The following OXR1 variants were observed in gnomAD, a reference collection of about 807,000 sequenced individuals.
OXR1 encodes oxidation resistance protein 1.
OXR1 carries 41 observed loss-of-function variants against 104.6 expected under a neutral mutation model. The ratio of observed to expected loss-of-function variants is 0.39; its 90% CI spans 0.31 to 0.51. The LOEUF is 0.51. Among genes scored for constraint, OXR1 ranks in the 20% least tolerant of loss-of-function variants. The pLI, the probability that OXR1 is intolerant of heterozygous loss-of-function variation, is 0.77. For synonymous variants in OXR1, 348 were observed against 348.4 expected (o/e 1.00, Z 0.01); for missense variants, 955 against 1,031.9 (o/e 0.93, Z 1.02).
At chr8:106,330,732 T>C (rs1222637732) in intron 1 of OXR1, among the ~76,000 whole-genome samples, 1 of 152,162 alleles carries the variant, frequency 6.6e-6, no homozygotes. Context: ...GTCACTAATA[T>C]TGAGGGTATT....
chr8:106,399,006 T>C lies in OXR1; in HGVS notation c.23+39370T>C, dbSNP rs118127825. Among the ~76,000 whole-genome samples, 237 of 152,270 alleles carry C rather than the reference T, an allele frequency of 1.6e-3. 1 individual carries two copies. In the East Asian group the frequency reaches 0.033, roughly 21 times the overall value. ...CAAAGTCATCTCAACCAAATTGGAA[T>C]ACTAAATCTTTTACTTTTTCACTAC... On this transcript the variant is annotated intron_variant, in intron 2 of 16. Transcript: ENST00000517566.
chr8:106,658,775 T>C (rs140785985), intron 3 of OXR1, among the ~76,000 whole-genome samples: 1 of 152,334 alleles, frequency 6.6e-6, no homozygotes, highest in African/African-American at 2.4e-5. Context: ...CTTTCTCAGT[T>C]CCTGTTTATT....
chr8:106,660,027 G>A lies in OXR1; in HGVS notation c.221-19183G>A, dbSNP rs116902216. 5.8e-3 allele frequency among the ~76,000 whole-genome samples: 889 copies of A among 152,306 alleles called. 8 individuals are homozygous for A. Among genetic ancestry groups the A allele is most frequent in the Non-Finnish European group, 6.6e-3 (451 of 68,034 alleles). On this transcript the variant is annotated intron_variant, in intron 3 of 16. Coordinates refer to ENST00000517566, the MANE Select transcript of OXR1 (RefSeq NM_001198533.2). ...TGACCACAGTCATGTGGGCAGGTAC[G>A]TCCTAGCATTAACTTCCTGAAAGAA...
chr8:106,658,315 C>T, intron 3 of OXR1: 1 of 1,123,606 alleles, frequency 8.9e-7, no homozygotes, highest in Non-Finnish European at 1.1e-6. Flanking sequence ...GGGCGGGCAA[C>T]GTGGCCGGGG....
intron 2 of OXR1, among the ~76,000 whole-genome samples, chr8:106,381,624 G>T (rs1169592336): frequency 6.6e-6 from 1 of 152,138 alleles, no homozygotes; most frequent in Non-Finnish European, 1.5e-5. Context: ...TACTGTTCAT[G>T]TGGGCCTGTT....
At chr8:106,605,381 C>T (rs1820293262) in intron 3 of OXR1, among the ~76,000 whole-genome samples, 1 of 152,136 alleles carries the variant, frequency 6.6e-6, no homozygotes, top group African/African-American at 2.4e-5. Context: ...TATTCTCCAA[C>T]AAGACTCAGC....
intron 9 of OXR1, chr8:106,707,550 A>G (rs1283431156): frequency 1.4e-5 from 4 of 287,434 alleles, no homozygotes; most frequent in East Asian, 6.9e-5. Context: ...TTGTAATCCC[A>G]TCTTTTATAA....
chr8:106,459,865 A>G (rs752363655), intron 2 of OXR1, among the ~76,000 whole-genome samples: 6 of 152,184 alleles, frequency 3.9e-5, no homozygotes, highest in Non-Finnish European at 7.4e-5. Context: ...AAGATGATAC[A>G]TGGTTAACTC....
At chr8:106,551,789 CATATATAT>C (rs200289561) in intron 3 of OXR1, among the ~76,000 whole-genome samples, 3 of 127,286 alleles carry the variant, frequency 2.4e-5, no homozygotes, top group East Asian at 2.2e-4. Context: ...CTCCACTATA[CATATATAT>C]ATATATATAT....
At chr8:106,736,574 T>A (rs569623734) in intron 11 of OXR1, among the ~76,000 whole-genome samples, 1 of 152,290 alleles carries the variant, frequency 6.6e-6, no homozygotes, top group East Asian at 1.9e-4. Flanking sequence ...ACCATTAGCG[T>A]TCACTGTAGT....
chr8:106,438,987 C>A (rs545832376), intron 2 of OXR1, among the ~76,000 whole-genome samples: 4 of 152,190 alleles, frequency 2.6e-5, no homozygotes, highest in Admixed American at 2.6e-4. Flanking sequence ...GTGCTTAGAA[C>A]CTTCCTGGAG....
chr8:106,346,107 A>AC (rs1174659135), intron 1 of OXR1, among the ~76,000 whole-genome samples: 55,048 of 150,304 alleles, frequency 0.37, 10,236 homozygotes, highest in Admixed American at 0.44. Flanking sequence ...CACCCCCCCT[A>AC]CCGCCGCCAG....
chr8:106,660,107 G>T (rs1333347377), intron 3 of OXR1, among the ~76,000 whole-genome samples: 4 of 152,176 alleles, frequency 2.6e-5, no homozygotes, highest in African/African-American at 9.7e-5. Context: ...TGTAAATGAG[G>T]TTGGATTTGG....
At chr8:106,371,503 T>A (rs990495964) in intron 2 of OXR1, among the ~76,000 whole-genome samples, 6 of 152,176 alleles carry the variant, frequency 3.9e-5, no homozygotes, top group Non-Finnish European at 8.8e-5. Flanking sequence ...TGATTTGAGA[T>A]CTCTCTAGCT....
At chr8:106,321,479 T>C (rs1366987435) in intron 1 of OXR1, among the ~76,000 whole-genome samples, 2 of 152,012 alleles carry the variant, frequency 1.3e-5, no homozygotes, top group African/African-American at 4.8e-5. Flanking sequence ...GGGGTGGTGG[T>C]GGTAGTGGTA....
Position 106,736,387 on chromosome 8 carries a change from T to G in OXR1, c.1957-1133T>G, listed in dbSNP as rs73294478. 9.6e-3 allele frequency among the ~76,000 whole-genome samples: 1,460 copies of G among 152,352 alleles called. 27 individuals carry two copies. Among genetic ancestry groups the G allele is most frequent in the African/African-American group, 0.033 (1,365 of 41,582 alleles). ...TTTTCATAGTTACCTTAATGTTTAC[T>G]GGTAGCCAGTTCCTTTTAGTTGGCT... On this transcript the variant is annotated intron_variant, in intron 11 of 16. Transcript: ENST00000517566.
chr8:106,358,848 GAATAATTTAATTCACTAAATAATTT>G (rs1438674653), intron 1 of OXR1, among the ~76,000 whole-genome samples: 13 of 149,128 alleles, frequency 8.7e-5, no homozygotes, highest in East Asian at 3.9e-4. Flanking sequence ...ATAATTTAGT[GAATAATTTAATTCACTAAATAATTT>G]AGTGAATAAT....
intron 3 of OXR1, among the ~76,000 whole-genome samples, chr8:106,572,019 G>T (rs1195018269): frequency 6.6e-6 from 1 of 152,152 alleles, no homozygotes. Flanking sequence ...TTTGGCCTGG[G>T]ATTGCTGCCC....
chr8:106,324,638 T>C (rs1426361112), intron 1 of OXR1, among the ~76,000 whole-genome samples: 1 of 152,098 alleles, frequency 6.6e-6, no homozygotes, highest in African/African-American at 2.4e-5. Context: ...CTTTTTTTTT[T>C]AGAGCACCTA....
Sources: gnomAD v4.1 joint callset for allele counts (sites outside exome capture counted in the v4.1 genomes callset) on GRCh38, gnomAD v4.1.1 for gene constraint, MANE v1.5 for transcripts, NCBI Gene and HGNC (gene_info 2026-07-23, HGNC 2026-07-21) for gene names.